The following SHD variants were observed in gnomAD, a reference collection of about 807,000 sequenced individuals.
SHD encodes SH2 domain-containing adapter protein D.
Under a neutral mutation model 31.2 loss-of-function variants are expected in SHD, and 29 were observed. The ratio of observed to expected loss-of-function variants is 0.93; its 90% confidence interval spans 0.69 to 1.27. SHD has a LOEUF of 1.27. Among genes scored for constraint, SHD ranks in the 50% most tolerant of loss-of-function variants. SHD has a pLI of 0.00. For synonymous variants in SHD, 208 were observed against 187.8 expected, an observed-to-expected ratio of 1.11 and a Z score of -0.88; for missense variants, 520 against 453.8, an observed-to-expected ratio of 1.15 and a Z score of -1.33.
At chr19:4,288,387 G>A (rs374657906) in intron 5 of SHD, 25 bp downstream of exon 5, 49 of 1,605,700 alleles carry the variant, frequency 3.1e-5, no homozygotes, top group African/African-American at 6.7e-5. Flanking sequence ...TCACAGGGAC[G>A]AAGGGTCACA....
At chr19:4,285,931 G>A (rs1335837523) in intron 4 of SHD, among the ~76,000 whole-genome samples, 4 of 113,466 alleles carry the variant, frequency 3.5e-5, no homozygotes, top group South Asian at 3.0e-4. Flanking sequence ...CGCTCTTGTC[G>A]CCCAGGCTGG....
Position 4,283,144 on chromosome 19 carries a change from C to A in SHD, c.494C>A (p.Pro165His). 1 of 1,614,150 alleles carries A rather than the reference C, an allele frequency of 6.2e-7. No homozygotes were observed. Among genetic ancestry groups the A allele is most frequent in the East Asian group, 2.2e-5 (1 of 44,878 alleles). Residue 165 changes from proline (P) to histidine (H), a missense_variant, in exon 3 of 6, where the codon CCT becomes CAT. Pro to His is a moderately conservative substitution (Grantham distance 77, BLOSUM62 -2). Coordinates refer to ENST00000543264, the MANE Select transcript of SHD (RefSeq NM_020209.4). ...TADGPPSGQKPRQSRMPQEDE... is the reference protein window; with the variant it reads ...TADGPPSGQKHRQSRMPQEDE... Reference sequence around the variant, plus strand: ...GATGGACCCCCTTCTGGGCAGAAGCCTCGGCAGAGCCGGATGCCCCAGGAA... The same window carrying A: ...GATGGACCCCCTTCTGGGCAGAAGCATCGGCAGAGCCGGATGCCCCAGGAA...
chr19:4,286,314 TCC>T (rs1971317165), intron 4 of SHD, among the ~76,000 whole-genome samples: 1 of 136,194 alleles, frequency 7.3e-6, no homozygotes, highest in Admixed American at 7.6e-5. Context: ...CTTCCTTCCT[TCC>T]TACCTTCCTT....
chr19:4,285,974 C>G (rs1267195542), intron 4 of SHD, among the ~76,000 whole-genome samples: 2 of 145,974 alleles, frequency 1.4e-5, no homozygotes, highest in South Asian at 2.3e-4. Flanking sequence ...TCACTGCAAC[C>G]TCCGCCTCCC....
At position 4,280,082 on chromosome 19, in the gene SHD, G is replaced by T; in HGVS notation, c.19G>T (p.Asp7Tyr). 6.2e-7 allele frequency: 1 copy of T among 1,609,412 alleles called. No individual in the cohort carries two copies. The highest frequency in any genetic ancestry group is 1.1e-5 in the South Asian group (1 of 90,460). Reference sequence around the variant, plus strand: ...CGCCCAAATGGCCAAGTGGCTACGGGACTACCTGAGCTTTGGGGGTCGGAG... The same window carrying T: ...CGCCCAAATGGCCAAGTGGCTACGGTACTACCTGAGCTTTGGGGGTCGGAG... MAKWLR[D>Y]YLSFGGRRPP... Residue 7 changes from aspartate to tyrosine, a missense_variant, in exon 1 of 6, where the codon GAC becomes TAC. Asp to Tyr is a radical substitution (Grantham distance 160, BLOSUM62 -3). Coordinates refer to ENST00000543264, the MANE Select transcript of SHD (RefSeq NM_020209.4).
intron 1 of SHD, 76 bp from the exon 2 acceptor site, chr19:4,282,794 C>A: frequency 1.8e-6 from 2 of 1,140,804 alleles, no homozygotes; most frequent in Non-Finnish European, 2.6e-6. Context: ...GCCCTGTGGG[C>A]AGGCAAGAGG....
intron 3 of SHD, among the ~76,000 whole-genome samples, chr19:4,284,132 C>T (rs994970923): frequency 3.3e-4 from 50 of 151,750 alleles, no homozygotes; most frequent in African/African-American, 1.2e-3. Flanking sequence ...GGAGAAACCC[C>T]GTCTTACTAA....
intron 3 of SHD, chr19:4,284,470 C>A (rs1971287744): frequency 4.5e-6 from 1 of 221,832 alleles, no homozygotes; most frequent in Non-Finnish European, 8.8e-6. Flanking sequence ...GACTTGGCCA[C>A]AGTCTGGGCT....
chr19:4,288,468 A>G, intron 5 of SHD, 106 bp downstream of exon 5: 1 of 1,380,154 alleles, frequency 7.2e-7, no homozygotes, highest in East Asian at 2.7e-5. Flanking sequence ...AGCCATAGGG[A>G]AGGGCTTCCA....
Position 4,283,129 on chromosome 19 carries a change from C to G in SHD, c.479C>G (p.Pro160Arg). The G allele has an allele frequency of 6.2e-7, 1 of 1,614,132 alleles. No individual in the cohort carries two copies. Among genetic ancestry groups the G allele is most frequent in the Non-Finnish European group, 8.5e-7 (1 of 1,180,016 alleles). ...EQDPETADGPPSGQKPRQSRM... is the reference protein window; with the variant it reads ...EQDPETADGPRSGQKPRQSRM... ...GACCCAGAGACAGCAGATGGACCCC[C>G]TTCTGGGCAGAAGCCTCGGCAGAGC... is the stretch of plus-strand genomic sequence containing the variant. Residue 160 changes from proline to arginine, a missense_variant, in exon 3 of 6, where the codon CCT (proline) becomes CGT (arginine). By Grantham distance (103) the Pro-to-Arg change is moderately radical. Coordinates refer to ENST00000543264, the MANE Select transcript of SHD (RefSeq NM_020209.4).
chr19:4,285,020 A>G, intron 4 of SHD, 116 bp downstream of exon 4: 2 of 1,233,992 alleles, frequency 1.6e-6, no homozygotes, highest in Non-Finnish European at 2.1e-6. Context: ...ACTTCGATTC[A>G]TTCATCCACT....
rs1971245612 is a variant in SHD at position 4,280,361 on chromosome 19, G to C, written c.297+1G>C. 1.3e-6 allele frequency: 2 copies of C among 1,559,424 alleles called. No homozygotes were observed. Among genetic ancestry groups the C allele is most frequent in the Admixed American group, 3.9e-5 (2 of 51,778 alleles). ...CCTTCTGGGCGGCCCCGGGGAGGAGGTGCGTGGCTGGGTGGCCTGGGGAGA... is the reference window on the plus strand; with the variant it reads ...CCTTCTGGGCGGCCCCGGGGAGGAGCTGCGTGGCTGGGTGGCCTGGGGAGA... On this transcript the variant is annotated splice_donor_variant, in intron 1 of 5. Coordinates refer to ENST00000543264, the MANE Select transcript of SHD (RefSeq NM_020209.4). LOFTEE classifies it high-confidence loss of function.
chr19:4,286,275 CTTTCT>C (rs911904701), intron 4 of SHD, among the ~76,000 whole-genome samples: 4 of 121,068 alleles, frequency 3.3e-5, no homozygotes, highest in Non-Finnish European at 7.3e-5. Flanking sequence ...TTCTTTCTTT[CTTTCT>C]TTTTTTCTTT....
rs147445732 is a variant in SHD, at chr19:4,290,626, C to A, written c.1016C>A (p.Thr339Asn). Residue 339 changes from threonine (T) to asparagine (N), a missense_variant, in exon 6 of 6, where the codon ACC (threonine) becomes AAC (asparagine). Transcript: ENST00000543264. ...LALLYPVVTQ[T>N]P Reference sequence around the variant, plus strand: ...CTGCTGTACCCCGTGGTCACGCAGACCCCCTGACAGTGACCCTCGGCCCCC... The same window carrying A: ...CTGCTGTACCCCGTGGTCACGCAGAACCCCTGACAGTGACCCTCGGCCCCC... 21 of 1,603,196 alleles carry A rather than the reference C, an allele frequency of 1.3e-5. No individual in the cohort carries two copies. The highest frequency in any genetic ancestry group is 1.7e-5 in the Non-Finnish European group (20 of 1,173,034).
chr19:4,287,898 G>A (rs2380177), intron 4 of SHD, among the ~76,000 whole-genome samples: 1 of 90,902 alleles, frequency 1.1e-5, no homozygotes. Context: ...TTTTTTGTTT[G>A]TTTGTTTGTT....
chr19:4,282,917 T>C lies in SHD; in HGVS notation c.345T>C (p.His115=), dbSNP rs768511783. The part of the protein sequence containing the change: ...EYLDPFDAQP[H]PAPPDDGYME... ...TAGACCCCTTTGATGCTCAGCCTCA[T>C]CCTGCACCCCCGGATGATGGGTACA... The change falls in exon 2 of 6, where the codon CAT becomes CAC. Residue 115 remains histidine, a synonymous_variant. Coordinates refer to ENST00000543264, the MANE Select transcript of SHD (RefSeq NM_020209.4). 2 of 1,613,930 alleles carry C rather than the reference T, an allele frequency of 1.2e-6. No individual in the cohort carries two copies. Among genetic ancestry groups the C allele is most frequent in the South Asian group, 1.1e-5 (1 of 91,076 alleles).
At chr19:4,286,780 T>A (rs1398406444) in intron 4 of SHD, among the ~76,000 whole-genome samples, 9 of 151,870 alleles carry the variant, frequency 5.9e-5, no homozygotes, top group Non-Finnish European at 1.5e-5. Context: ...CTCGGGAGGC[T>A]GAGGCAGGAG....
At chr19:4,285,677 G>C (rs938562937) in intron 4 of SHD, among the ~76,000 whole-genome samples, 2 of 151,260 alleles carry the variant, frequency 1.3e-5, no homozygotes, top group Admixed American at 6.6e-5. Context: ...AGCCTCCAGA[G>C]TAGGTGGGAC....
In SHD at chr19:4,284,914, G is replaced by A. The variant is rs1971293968; in HGVS notation, c.716+10G>A. ...CCCTGGAGAAACAGCCGTGAGTGGG[G>A]AAGCTGAAGGTGGAAGAGCCCCGTT... On this transcript the variant is annotated intron_variant, in intron 4 of 5. Transcript: ENST00000543264. 6.3e-7 allele frequency: 1 copy of A among 1,582,818 alleles called. No individual in the cohort carries two copies. Among genetic ancestry groups the A allele is most frequent in the African/African-American group, 1.3e-5 (1 of 74,364 alleles).
Sources: allele counts gnomAD v4.1 joint callset (sites outside exome capture counted in the v4.1 genomes callset), GRCh38; gene constraint gnomAD v4.1.1; transcripts MANE v1.5; gene names NCBI Gene and HGNC (gene_info 2026-07-23, HGNC 2026-07-21).